CCDC102B: variants seen among roughly 807,000 people sequenced by gnomAD.
CCDC102B encodes the protein coiled-coil domain containing 102B, also known as coiled-coil domain-containing protein 102B.
CCDC102B carries 75 observed loss-of-function variants against 57.4 expected under a neutral mutation model. The observed-to-expected ratio is 1.31, with a 90% confidence interval of 1.08 to 1.58. CCDC102B has a LOEUF of 1.58. CCDC102B is among the 40% of genes most tolerant of loss of function. The pLI is 0.00. For missense variants in CCDC102B, 636 were observed against 582.6 expected (o/e 1.09, Z -0.94); for synonymous variants, 206 against 201.9 (o/e 1.02, Z -0.17).
intron 7 of CCDC102B, among the ~76,000 whole-genome samples, chr18:69,017,272 T>C (rs1294769330): frequency 6.6e-6 from 1 of 152,068 alleles, no homozygotes; most frequent in East Asian, 1.9e-4. Flanking sequence ...CTTGCCACCA[T>C]GCCTGGCTAT....
At chr18:68,765,314 AAGGAAG>A (rs2034399608) in intron 2 of CCDC102B, among the ~76,000 whole-genome samples, 248 of 62,814 alleles carry the variant, frequency 3.9e-3, no homozygotes, top group African/African-American at 0.01. Flanking sequence ...GGAAGGAAGG[AAGGAAG>A]GAAGGAAAGA....
At chr18:68,881,529 G>A (rs1440139009) in intron 5 of CCDC102B, among the ~76,000 whole-genome samples, 1 of 152,098 alleles carries the variant, frequency 6.6e-6, no homozygotes, top group African/African-American at 2.4e-5. Flanking sequence ...CACTTGAATG[G>A]GTGCATTGAG....
intron 2 of CCDC102B, among the ~76,000 whole-genome samples, chr18:68,744,929 T>G (rs1335090071): frequency 1.3e-5 from 2 of 152,210 alleles, no homozygotes; most frequent in Non-Finnish European, 2.9e-5. Flanking sequence ...AGACTGAAGT[T>G]GAACATCCTG....
chr18:68,934,282 G>A (rs2041774562), intron 6 of CCDC102B, among the ~76,000 whole-genome samples: 1 of 151,742 alleles, frequency 6.6e-6, no homozygotes, highest in South Asian at 2.1e-4. Flanking sequence ...TTCTTTTTTT[G>A]ACTATCAGAA....
chr18:68,905,997 G>C (rs1297696430), intron 6 of CCDC102B, among the ~76,000 whole-genome samples: 2 of 151,898 alleles, frequency 1.3e-5, no homozygotes, highest in East Asian at 3.9e-4. Flanking sequence ...GTTTCACCAT[G>C]TTAGCCAGGA....
chr18:68,759,616 T>TTCTATACAA (rs2034186981), intron 2 of CCDC102B, among the ~76,000 whole-genome samples: 1 of 152,136 alleles, frequency 6.6e-6, no homozygotes, highest in African/African-American at 2.4e-5. Context: ...CACATTCAAA[T>TTCTATACAA]TGTCAATCAG....
intron 5 of CCDC102B, among the ~76,000 whole-genome samples, chr18:68,877,669 T>G (rs997322075): frequency 3.9e-5 from 6 of 152,226 alleles, no homozygotes; most frequent in Admixed American, 3.9e-4. Flanking sequence ...ATTTTCTGTT[T>G]TACATGGGAG....
intron 2 of CCDC102B, among the ~76,000 whole-genome samples, chr18:68,758,919 A>G (rs2034151959): frequency 6.6e-6 from 1 of 151,572 alleles, no homozygotes. Context: ...AGCAAAATCT[A>G]TAAAGAGAGA....
intron 6 of CCDC102B, among the ~76,000 whole-genome samples, chr18:68,926,583 A>T (rs2041483096): frequency 1.3e-5 from 2 of 151,910 alleles, no homozygotes; most frequent in African/African-American, 4.8e-5. Context: ...AAGTTAAGGG[A>T]TGTCTGATTG....
chr18:68,766,672 CCTTT>C (rs1461646168), intron 2 of CCDC102B, among the ~76,000 whole-genome samples: 1 of 152,054 alleles, frequency 6.6e-6, no homozygotes, highest in East Asian at 1.9e-4. Flanking sequence ...TCTGGTGGCC[CCTTT>C]CTTTATCTTT....
Position 68,717,670 on chromosome 18 carries a change from A to G in CCDC102B, c.-67+1076A>G, listed in dbSNP as rs149507559. ...GAACATATTCTGTGGTGAAAAATTT[A>G]AGTGTTTTTTTCTGCTTATCTACCT... On this transcript the variant is annotated intron_variant, in intron 2 of 3. Coordinates refer to the CCDC102B transcript ENST00000578970. 5.9e-5 allele frequency among the ~76,000 whole-genome samples: 9 copies of G among 152,308 alleles called. No homozygotes were observed. The East Asian group carries it at 1.7e-3, about 29-fold the overall frequency.
At chr18:68,862,201 T>C (rs893164133) in intron 4 of CCDC102B, among the ~76,000 whole-genome samples, 2 of 152,238 alleles carry the variant, frequency 1.3e-5, no homozygotes, top group East Asian at 1.9e-4. Flanking sequence ...ATGAATTATC[T>C]ATTGACCATG....
intron 6 of CCDC102B, among the ~76,000 whole-genome samples, chr18:68,922,791 A>C (rs1439300718): frequency 1.3e-5 from 2 of 151,428 alleles, no homozygotes; most frequent in Admixed American, 1.3e-4. Flanking sequence ...GCAGGGACAC[A>C]AATAAGGTTC....
At chr18:68,825,698 A>T (rs2036879848) in intron 1 of CCDC102B, among the ~76,000 whole-genome samples, 1 of 152,146 alleles carries the variant, frequency 6.6e-6, no homozygotes, top group Non-Finnish European at 1.5e-5. Context: ...AATAATAATG[A>T]TAATAAATAA....
At chr18:68,799,337 A>G (rs1375048978) in intron 1 of CCDC102B, among the ~76,000 whole-genome samples, 1 of 152,116 alleles carries the variant, frequency 6.6e-6, no homozygotes, top group African/African-American at 2.4e-5. Context: ...TTCTTATGAA[A>G]TCATAGATAA....
chr18:68,962,088 G>A (rs1301215342), intron 6 of CCDC102B, among the ~76,000 whole-genome samples: 1 of 152,016 alleles, frequency 6.6e-6, no homozygotes, highest in Non-Finnish European at 1.5e-5. Context: ...ATTTCACAAT[G>A]TTATCCTCAG....
At chr18:68,975,630 C>T (rs570284364) in intron 6 of CCDC102B, among the ~76,000 whole-genome samples, 9 of 151,970 alleles carry the variant, frequency 5.9e-5, no homozygotes, top group South Asian at 2.1e-4. Context: ...AGTTGAAGTG[C>T]GTGGTTTGGC....
chr18:68,800,213 CA>C (rs2035796081), intron 1 of CCDC102B, among the ~76,000 whole-genome samples: 1 of 152,096 alleles, frequency 6.6e-6, no homozygotes, highest in South Asian at 2.1e-4. Context: ...ACCAGAATTT[CA>C]AATAATGTCT....
intron 4 of CCDC102B, among the ~76,000 whole-genome samples, chr18:68,856,113 C>T (rs2038373457): frequency 6.6e-6 from 1 of 152,056 alleles, no homozygotes. Context: ...AAAGTTAAAT[C>T]ACATACTTTA....
Sources: allele counts gnomAD v4.1 joint callset (sites outside exome capture counted in the v4.1 genomes callset), GRCh38; gene constraint gnomAD v4.1.1; transcripts MANE v1.5; gene names NCBI Gene and HGNC (gene_info 2026-07-23, HGNC 2026-07-21).